MARCHF1: variants seen among roughly 807,000 people sequenced by gnomAD.
MARCHF1 encodes the protein membrane associated ring-CH-type finger 1.
A neutral mutation model predicts 54.2 loss-of-function variants in MARCHF1; 40 were observed. The observed-to-expected ratio is 0.74, with a 90% CI of 0.57 to 0.96. The LOEUF is 0.96. Ranked by LOEUF, MARCHF1 falls within the 40% of genes least tolerant of loss-of-function variation. The probability of loss-of-function intolerance (pLI) is 0.00; values close to 1 mark genes in which losing one functional copy is unlikely to be tolerated. For synonymous variants in MARCHF1, 236 were observed against 236.3 expected, an observed-to-expected ratio of 1.00 and a Z score of 0.01; for missense variants, 586 against 656.5, an observed-to-expected ratio of 0.89 and a Z score of 1.17.
chr4:164,266,495 C>T (rs1484422433), intron 1 of MARCHF1, among the ~76,000 whole-genome samples: 1 of 152,168 alleles, frequency 6.6e-6, no homozygotes, highest in African/African-American at 2.4e-5. Flanking sequence ...TAAATGTTTG[C>T]CTATGGTCTC....
chr4:164,078,202 TA>T (rs1359376351), intron 2 of MARCHF1, among the ~76,000 whole-genome samples: 3 of 152,130 alleles, frequency 2.0e-5, no homozygotes, highest in Non-Finnish European at 4.4e-5. Flanking sequence ...TATGCAGCCA[TA>T]AGAAAAGGAT....
At chr4:164,292,236 T>G (rs1304588734) in intron 1 of MARCHF1, among the ~76,000 whole-genome samples, 2 of 152,136 alleles carry the variant, frequency 1.3e-5, no homozygotes, top group Non-Finnish European at 2.9e-5. Flanking sequence ...CTTGAAAAAT[T>G]TATGCAAAAT....
intron 2 of MARCHF1, among the ~76,000 whole-genome samples, chr4:164,009,743 C>G (rs1358757201): frequency 6.6e-6 from 1 of 152,012 alleles, no homozygotes; most frequent in Non-Finnish European, 1.5e-5. Flanking sequence ...AATTCAACAT[C>G]CCTTAATGGT....
intron 5 of MARCHF1, among the ~76,000 whole-genome samples, chr4:163,658,396 A>G (rs10003683): frequency 6.6e-6 from 1 of 152,130 alleles, no homozygotes; most frequent in Non-Finnish European, 1.5e-5. Context: ...AAAGTCAAGA[A>G]ATAACAGATA....
intron 3 of MARCHF1, among the ~76,000 whole-genome samples, chr4:163,911,562 T>G (rs537274646): frequency 6.6e-6 from 1 of 152,256 alleles, no homozygotes; most frequent in Non-Finnish European, 1.5e-5. Flanking sequence ...AGGAATATAT[T>G]CTGGTACAGA....
Position 163,872,114 on chromosome 4 carries a change from G to A in MARCHF1, c.-38-17945C>T, listed in dbSNP as rs1447346711. Among the ~76,000 whole-genome samples, 3 of 152,244 alleles carry A rather than the reference G, an allele frequency of 2.0e-5. No individual in the cohort carries two copies. In the East Asian group the frequency reaches 5.8e-4, roughly 29 times the overall value. On this transcript the variant is annotated intron_variant, in intron 3 of 9. Transcript: ENST00000514618. ...CACAGTTAGTGGAACTAAATTCTAA[G>A]TATGTGAGTATAAGTGACATTTAAT...
At chr4:163,577,470 C>A (rs1300255377) in intron 8 of MARCHF1, among the ~76,000 whole-genome samples, 1 of 151,984 alleles carries the variant, frequency 6.6e-6, no homozygotes, top group Non-Finnish European at 1.5e-5. Context: ...ATGGAGTTAT[C>A]TTTTGTATGT....
chr4:163,772,129 A>C (rs1054037401), intron 4 of MARCHF1, among the ~76,000 whole-genome samples: 10 of 152,134 alleles, frequency 6.6e-5, no homozygotes, highest in African/African-American at 2.2e-4. Context: ...TGGCTTTTAC[A>C]ATTGTACAGC....
chr4:163,591,111 T>C (rs1233219658), intron 7 of MARCHF1, among the ~76,000 whole-genome samples: 1 of 151,766 alleles, frequency 6.6e-6, no homozygotes, highest in African/African-American at 2.4e-5. Flanking sequence ...CTTAATTTAA[T>C]CCTTATTAAC....
intron 1 of MARCHF1, among the ~76,000 whole-genome samples, chr4:164,195,753 CTTG>C (rs1473309311): frequency 6.6e-6 from 1 of 152,142 alleles, no homozygotes; most frequent in Non-Finnish European, 1.5e-5. Context: ...TGGTCCCTAG[CTTG>C]TTGGACACCT....
intron 5 of MARCHF1, among the ~76,000 whole-genome samples, chr4:163,677,584 C>CAACA (rs1167274097): frequency 6.6e-6 from 1 of 152,204 alleles, no homozygotes; most frequent in South Asian, 2.1e-4. Flanking sequence ...TATTTAATAC[C>CAACA]AACAAACAAA....
intron 1 of MARCHF1, chr4:164,190,043 G>A: frequency 7.4e-7 from 1 of 1,345,474 alleles, no homozygotes; most frequent in Non-Finnish European, 1.1e-6. Context: ...AGCTCAAGGA[G>A]TGCATTGATA....
At chr4:163,586,761 G>T (rs940795547) in intron 7 of MARCHF1, among the ~76,000 whole-genome samples, 1 of 152,050 alleles carries the variant, frequency 6.6e-6, no homozygotes, top group East Asian at 1.9e-4. Flanking sequence ...AAACTTTATT[G>T]TGTTACTTTG....
At chr4:163,555,667 A>G (rs1292394425) in intron 8 of MARCHF1, among the ~76,000 whole-genome samples, 3 of 152,186 alleles carry the variant, frequency 2.0e-5, no homozygotes, top group African/African-American at 7.2e-5. Flanking sequence ...CCATGAGGAT[A>G]CTTAATTATG....
intron 4 of MARCHF1, among the ~76,000 whole-genome samples, chr4:163,798,889 G>A (rs1024570117): frequency 2.0e-5 from 3 of 151,984 alleles, no homozygotes; most frequent in Non-Finnish European, 2.9e-5. Context: ...AGAAAAAGAA[G>A]GAAAGTTACT....
chr4:163,873,295 A>C (rs1221522122), intron 3 of MARCHF1, among the ~76,000 whole-genome samples: 1 of 152,190 alleles, frequency 6.6e-6, no homozygotes, highest in African/African-American at 2.4e-5. Context: ...CAGAGGACCA[A>C]GTTTAAGTAT....
At chr4:163,791,250 T>C (rs1162239985) in intron 4 of MARCHF1, among the ~76,000 whole-genome samples, 1 of 152,162 alleles carries the variant, frequency 6.6e-6, no homozygotes, top group Non-Finnish European at 1.5e-5. Flanking sequence ...GCCATCACTG[T>C]ACTTTTACAG....
At chr4:163,768,557 A>G (rs998102001) in intron 4 of MARCHF1, among the ~76,000 whole-genome samples, 2 of 152,222 alleles carry the variant, frequency 1.3e-5, no homozygotes, top group Admixed American at 6.5e-5. Context: ...ATGATCAAAA[A>G]GTGTGAAATA....
At chr4:164,022,721 C>T (rs1433009728) in intron 2 of MARCHF1, among the ~76,000 whole-genome samples, 1 of 152,186 alleles carries the variant, frequency 6.6e-6, no homozygotes, top group Admixed American at 6.5e-5. Context: ...CCCAAGGTTC[C>T]CCATCTCCGT....
Sources: allele counts gnomAD v4.1 joint callset (sites outside exome capture counted in the v4.1 genomes callset), GRCh38; gene constraint gnomAD v4.1.1; transcripts MANE v1.5; gene names NCBI Gene and HGNC (gene_info 2026-07-23, HGNC 2026-07-21).